KYNU: variants seen among roughly 807,000 people sequenced by gnomAD.
KYNU encodes the protein kynureninase, also known as L-kynurenine hydrolase.
KYNU carries 54 observed loss-of-function variants against 59.2 expected under a neutral mutation model. That is an observed-to-expected ratio of 0.91 (90% confidence interval 0.73 to 1.14). The LOEUF is 1.14. Among genes scored for constraint, KYNU ranks in the 50% most tolerant of loss-of-function variants. The pLI is 0.00. For synonymous variants in KYNU, 177 were observed against 192.0 expected (o/e 0.92, Z 0.65); for missense variants, 567 against 554.4 (o/e 1.02, Z -0.23).
At chr2:142,899,093 C>T (rs1023579017) in intron 2 of KYNU, among the ~76,000 whole-genome samples, 15 of 152,018 alleles carry the variant, frequency 9.9e-5, no homozygotes, top group East Asian at 3.9e-4. Flanking sequence ...TCTGTAACAG[C>T]GGCAAACAGC....
At chr2:142,880,334 C>G (rs1681250580) in intron 1 of KYNU, among the ~76,000 whole-genome samples, 3 of 152,188 alleles carry the variant, frequency 2.0e-5, no homozygotes, top group African/African-American at 7.2e-5. Context: ...CCCCTGGAGA[C>G]TTGCACATAG....
At position 143,055,267 on chromosome 2, in the gene KYNU, G is replaced by A. The variant is rs1207804539; in HGVS notation, c.*13095G>A. 3.3e-5 allele frequency: 5 copies of A among 152,148 alleles called. No homozygotes were observed. The South Asian group carries it at 6.2e-4, about 19-fold the overall frequency. The allele number at this position is 152,148 out of a possible 1,614,324, so 9.4% of individuals were successfully genotyped here. On this transcript the variant is annotated 3_prime_UTR_variant, in exon 14 of 14. Transcript: ENST00000264170. ...AAAAGCAAGGCCTTGGCAGGGTGAC[G>A]TTTCTTTCTGGAGGTTCCAGGGGGA...
intron 7 of KYNU, chr2:142,958,036 A>T (rs781224797): frequency 3.5e-6 from 1 of 282,744 alleles, no homozygotes; most frequent in Non-Finnish European, 6.8e-6. Flanking sequence ...TCCAAATGTC[A>T]TGCCCATGGG....
intron 2 of KYNU, among the ~76,000 whole-genome samples, chr2:142,902,951 G>T (rs1259640391): frequency 6.6e-6 from 1 of 152,158 alleles, no homozygotes; most frequent in African/African-American, 2.4e-5. Context: ...GCAGAAAAAG[G>T]CATCCTTAAG....
intron 8 of KYNU, among the ~76,000 whole-genome samples, chr2:142,975,911 C>A (rs1280516593): frequency 6.6e-6 from 1 of 152,104 alleles, no homozygotes; most frequent in East Asian, 1.9e-4. Context: ...GATTGTTGTG[C>A]ACACTTTTCT....
chr2:143,015,370 A>G (rs1686218465), intron 10 of KYNU, among the ~76,000 whole-genome samples: 1 of 152,108 alleles, frequency 6.6e-6, no homozygotes, highest in Non-Finnish European at 1.5e-5. Context: ...CTGTATGCAT[A>G]TTGGAGGTGG....
chr2:143,002,798 A>G (rs1211792923), intron 10 of KYNU, among the ~76,000 whole-genome samples: 1 of 152,244 alleles, frequency 6.6e-6, no homozygotes, highest in Non-Finnish European at 1.5e-5. Context: ...TACATTTTGA[A>G]TCAGTTTCCA....
chr2:142,889,930 G>T (rs1246232230), intron 2 of KYNU, among the ~76,000 whole-genome samples: 1 of 151,342 alleles, frequency 6.6e-6, no homozygotes, highest in East Asian at 1.9e-4. Context: ...GTACTTTTTT[G>T]ATGTTTTTCT....
In KYNU at chr2:142,924,214, C is replaced by A. The variant is rs146396883; in HGVS notation, c.291-3445C>A. ...TAAACACTTGGGCCCAGGCTATCCT[C>A]CCACCTCAGTCTCCTGAGTAGCTAC... On this transcript the variant is annotated intron_variant, in intron 3 of 13. Coordinates refer to ENST00000264170, the MANE Select transcript of KYNU (RefSeq NM_003937.3). 7.7e-3 allele frequency among the ~76,000 whole-genome samples: 1,176 copies of A among 152,246 alleles called. 10 individuals carry two copies. The highest frequency in any genetic ancestry group is 0.02 in the Middle Eastern group (6 of 294).
chr2:142,963,355 T>C (rs139599748), intron 8 of KYNU, among the ~76,000 whole-genome samples: 3 of 152,290 alleles, frequency 2.0e-5, no homozygotes, highest in East Asian at 3.9e-4. Context: ...CAAAATACCT[T>C]AAACTGGGTA....
intron 10 of KYNU, among the ~76,000 whole-genome samples, chr2:143,026,830 A>G (rs1194247243): frequency 6.6e-6 from 1 of 152,220 alleles, no homozygotes; most frequent in South Asian, 2.1e-4. Flanking sequence ...TCCACCAGCC[A>G]GGGTGAAGAG....
intron 7 of KYNU, 30 bp from the exon 8 acceptor site, chr2:142,960,594 A>G (rs1197680777): frequency 1.3e-6 from 2 of 1,596,292 alleles, no homozygotes; most frequent in East Asian, 2.2e-5. Context: ...TATTATCGAT[A>G]TGACCTAACT....
Position 143,053,512 on chromosome 2 carries a change from C to T in KYNU, c.*11340C>T, listed in dbSNP as rs562484407. ...GACTTTGTCCGCAGTCAAATCTCAT[C>T]TTGAATTTCTATGTGTTTGGAGAGG... is the stretch of plus-strand genomic sequence containing the variant. On this transcript the variant is annotated 3_prime_UTR_variant, in exon 14 of 14. Coordinates refer to ENST00000264170, the MANE Select transcript of KYNU (RefSeq NM_003937.3). 1 of 152,294 alleles carries T rather than the reference C, an allele frequency of 6.6e-6. No homozygotes were observed. Among genetic ancestry groups the T allele is most frequent in the East Asian group, 1.9e-4 (1 of 5,182 alleles). 9.4% of individuals were successfully genotyped at this position (152,294 alleles called of 1,614,324 possible). A position where few individuals can be genotyped will look rare whatever the true frequency, so the allele number is the denominator to read the frequency against.
chr2:143,013,697 T>C (rs1439948964), intron 10 of KYNU, among the ~76,000 whole-genome samples: 3 of 152,210 alleles, frequency 2.0e-5, no homozygotes, highest in Non-Finnish European at 2.9e-5. Context: ...ACTTTTGTTG[T>C]TTTTCTCAGT....
intron 2 of KYNU, among the ~76,000 whole-genome samples, chr2:142,915,307 C>G (rs1682633361): frequency 6.6e-6 from 1 of 151,988 alleles, no homozygotes; most frequent in South Asian, 2.1e-4. Context: ...AAGAGCTAAC[C>G]AAAAAGCACC....
At chr2:143,012,281 A>G (rs901896548) in intron 10 of KYNU, among the ~76,000 whole-genome samples, 1 of 152,054 alleles carries the variant, frequency 6.6e-6, no homozygotes, top group Non-Finnish European at 1.5e-5. Flanking sequence ...CAGGAGTTCG[A>G]GAGCAGCCTG....
chr2:142,946,508 T>C (rs1683785468), intron 4 of KYNU, among the ~76,000 whole-genome samples: 1 of 152,242 alleles, frequency 6.6e-6, no homozygotes, highest in Non-Finnish European at 1.5e-5. Context: ...CTTGGGCGAC[T>C]ATGTGCATTG....
intron 8 of KYNU, among the ~76,000 whole-genome samples, chr2:142,966,778 C>T (rs943409373): frequency 2.6e-5 from 4 of 152,012 alleles, no homozygotes; most frequent in Admixed American, 2.6e-4. Context: ...AAAAGGTATA[C>T]ATTTTAAAAA....
intron 8 of KYNU, among the ~76,000 whole-genome samples, chr2:142,982,516 T>G (rs1199741971): frequency 6.6e-6 from 1 of 152,094 alleles, no homozygotes; most frequent in East Asian, 1.9e-4. Context: ...ACTTGCTTTT[T>G]TAACATTGTG....
Sources: allele counts gnomAD v4.1 joint callset (sites outside exome capture counted in the v4.1 genomes callset), GRCh38; gene constraint gnomAD v4.1.1; transcripts MANE v1.5; gene names NCBI Gene and HGNC (gene_info 2026-07-23, HGNC 2026-07-21).